CACNA2D4: variants seen among roughly 807,000 people sequenced by gnomAD.
CACNA2D4 encodes voltage-dependent calcium channel subunit alpha-2/delta-4.
A neutral mutation model predicts 163.8 loss-of-function variants in CACNA2D4; 157 were observed. That is an observed-to-expected ratio of 0.96 (90% CI 0.84 to 1.09). The LOEUF (loss-of-function observed/expected upper bound fraction) is 1.09, where lower values mean the gene tolerates loss of function less well. Among genes scored for constraint, CACNA2D4 ranks in the 50% least tolerant of loss-of-function variants. CACNA2D4 has a pLI of 0.00. For missense variants in CACNA2D4, 1,410 were observed against 1,479.9 expected (o/e 0.95, Z 0.78); for synonymous variants, 598 against 586.9 (o/e 1.02, Z -0.27).
chr12:1,828,283 C>T lies in CACNA2D4; in HGVS notation c.2551+12456G>A, dbSNP rs995839050. On this transcript the variant is annotated intron_variant, in intron 26 of 37. Transcript: ENST00000382722. The surrounding 1 kb of genome is among the most constrained non-coding windows in gnomAD (Gnocchi z 4.2). ...GGGGTGCCGAGGTGACTGTAGGTAGCGCCATATGGGACCTTAGCCACACTC... is the reference window on the plus strand; with the variant it reads ...GGGGTGCCGAGGTGACTGTAGGTAGTGCCATATGGGACCTTAGCCACACTC... The T allele has an allele frequency of 5.7e-5, 77 of 1,358,476 alleles. No individual in the cohort carries two copies. The highest frequency in any genetic ancestry group is 1.8e-4 in the East Asian group (7 of 37,892). The allele number at this position is 1,358,476 out of a possible 1,614,324, so 84.2% of individuals were successfully genotyped here.
chr12:1,857,077 A>G (rs1865416883), intron 20 of CACNA2D4, among the ~76,000 whole-genome samples: 1 of 152,188 alleles, frequency 6.6e-6, no homozygotes, highest in Non-Finnish European at 1.5e-5. Flanking sequence ...GCACCCTGGG[A>G]ATATCTGGGC....
chr12:1,918,232 G>T lies in CACNA2D4; in HGVS notation c.227+15C>A. ...GTGACCGGGTTTTTGGGGTGGGGTT[G>T]AACGTGATGCTTACGTTTCCAGAGG... is the stretch of plus-strand genomic sequence containing the variant. On this transcript the variant is annotated intron_variant, in intron 1 of 37. Transcript: ENST00000382722. 6.3e-7 allele frequency: 1 copy of T among 1,581,250 alleles called. No individual in the cohort carries two copies. The highest frequency in any genetic ancestry group is 1.1e-5 in the South Asian group (1 of 87,948).
Position 1,833,389 on chromosome 12 carries a change from G to C in CACNA2D4, c.2551+7350C>G, listed in dbSNP as rs1192772260. ...CTAGGGGAGGTCTAGACAGATTATT[G>C]TCCTCAACCACCTTCTCTCTCACCC... On this transcript the variant is annotated intron_variant, in intron 26 of 37. Transcript: ENST00000382722. The surrounding 1 kb of genome is among the most constrained non-coding windows in gnomAD (Gnocchi z 4.2). Among the ~76,000 whole-genome samples the C allele has an allele frequency of 6.6e-6, 1 of 152,110 alleles. No homozygotes were observed.
intron 20 of CACNA2D4, among the ~76,000 whole-genome samples, chr12:1,857,222 T>A (rs1865419712): frequency 6.6e-6 from 1 of 152,166 alleles, no homozygotes. Flanking sequence ...AGCACACAGC[T>A]AGTGCCTGAC....
At chr12:1,818,128 C>T (rs1473337900) in intron 26 of CACNA2D4, among the ~76,000 whole-genome samples, 9 of 147,034 alleles carry the variant, frequency 6.1e-5, no homozygotes, top group African/African-American at 2.0e-4. Flanking sequence ...CGTCTCTTCC[C>T]GGCCGCGACC....
intron 18 of CACNA2D4, among the ~76,000 whole-genome samples, chr12:1,863,050 C>G (rs1187245095): frequency 6.6e-6 from 1 of 152,138 alleles, no homozygotes; most frequent in African/African-American, 2.4e-5. Flanking sequence ...CTTGTAAAAG[C>G]TTTACAGTTT....
At chr12:1,837,700 G>A (rs565554059) in intron 26 of CACNA2D4, among the ~76,000 whole-genome samples, 7 of 152,258 alleles carry the variant, frequency 4.6e-5, no homozygotes, top group Non-Finnish European at 1.0e-4. Flanking sequence ...GGCAGAGCTG[G>A]GGTGTCCGCC....
chr12:1,915,886 T>C (rs979931569), intron 1 of CACNA2D4, among the ~76,000 whole-genome samples: 1 of 152,254 alleles, frequency 6.6e-6, no homozygotes, highest in African/African-American at 2.4e-5. Flanking sequence ...GGTCCTACCA[T>C]GTGGCAGCCT....
intron 6 of CACNA2D4, among the ~76,000 whole-genome samples, chr12:1,889,491 T>A (rs1223815785): frequency 6.6e-6 from 1 of 152,164 alleles, no homozygotes; most frequent in African/African-American, 2.4e-5. Flanking sequence ...TATTATTTAA[T>A]TTTAATTTTT....
chr12:1,839,458 C>T (rs990382326), intron 26 of CACNA2D4, among the ~76,000 whole-genome samples: 11 of 152,240 alleles, frequency 7.2e-5, no homozygotes, highest in African/African-American at 2.4e-4. Context: ...CACAGTTGCT[C>T]TCATCATGTA....
intron 18 of CACNA2D4, among the ~76,000 whole-genome samples, chr12:1,863,608 G>A (rs1865571755): frequency 1.3e-5 from 2 of 152,118 alleles, no homozygotes. Context: ...GCAATGTTTT[G>A]TAGTTTTCAG....
intron 26 of CACNA2D4, among the ~76,000 whole-genome samples, chr12:1,814,834 C>A (rs1863824902): frequency 6.6e-6 from 1 of 152,170 alleles, no homozygotes; most frequent in Non-Finnish European, 1.5e-5. Context: ...TTCTGAAGAT[C>A]AAATCACACC....
rs1274351595 is a variant in CACNA2D4, at chr12:1,799,105, G to T, written c.2995+570C>A. ...TGAGCAGAGCCCGCTGAGGCAAGAT[G>T]GCCTCCTGCAGTCATGGAGGGCCCA... is the stretch of plus-strand genomic sequence containing the variant. On this transcript the variant is annotated intron_variant, in intron 34 of 37. Coordinates refer to ENST00000382722, the MANE Select transcript of CACNA2D4 (RefSeq NM_172364.5). The surrounding 1 kb of genome is among the most constrained non-coding windows in gnomAD (Gnocchi z 4.7). Among the ~76,000 whole-genome samples, 1 of 152,206 alleles carries T rather than the reference G, an allele frequency of 6.6e-6. No homozygotes were observed. The highest frequency in any genetic ancestry group is 6.5e-5 in the Admixed American group (1 of 15,286).
intron 30 of CACNA2D4, 93 bp from the exon 31 acceptor site, chr12:1,801,211 C>T (rs1019679028): frequency 2.7e-5 from 28 of 1,042,764 alleles, no homozygotes; most frequent in African/African-American, 1.7e-4. Flanking sequence ...ATCCGTTTAC[C>T]GCAATTCCCA....
intron 16 of CACNA2D4, among the ~76,000 whole-genome samples, chr12:1,876,551 A>C (rs79644384): frequency 1.3e-3 from 193 of 152,358 alleles, no homozygotes; most frequent in Non-Finnish European, 2.0e-3. Flanking sequence ...TGAGGCCCCC[A>C]GCAGATGCCT....
Position 1,834,801 on chromosome 12 carries a change from G to A in CACNA2D4, c.2551+5938C>T, listed in dbSNP as rs1565699840. 7 of 1,475,254 alleles carry A rather than the reference G, an allele frequency of 4.7e-6. No homozygotes were observed. Among genetic ancestry groups the A allele is most frequent in the South Asian group, 2.7e-5 (2 of 73,110 alleles). 91.4% of individuals were successfully genotyped at this position (1,475,254 alleles called of 1,614,324 possible). A position where few individuals can be genotyped will look rare whatever the true frequency, so the allele number is the denominator to read the frequency against. ...TCAGCCACAGCTCCCACCTTGACCCGGCGCTGGCCACTGCCTCCCCGAGTC... is the reference window on the plus strand; with the variant it reads ...TCAGCCACAGCTCCCACCTTGACCCAGCGCTGGCCACTGCCTCCCCGAGTC... On this transcript the variant is annotated intron_variant, in intron 26 of 37. Coordinates refer to ENST00000382722, the MANE Select transcript of CACNA2D4 (RefSeq NM_172364.5). The surrounding 1 kb of genome is among the most constrained non-coding windows in gnomAD (Gnocchi z 7.6).
At position 1,838,021 on chromosome 12, in the gene CACNA2D4, G is replaced by C. The variant is rs1864920684; in HGVS notation, c.2551+2718C>G. Among the ~76,000 whole-genome samples, 3 of 152,220 alleles carry C rather than the reference G, an allele frequency of 2.0e-5. No individual in the cohort carries two copies. In the South Asian group the frequency reaches 6.2e-4, roughly 32 times the overall value. On this transcript the variant is annotated intron_variant, in intron 26 of 37. Transcript: ENST00000382722. Reference sequence around the variant, plus strand: ...GTGTACATTACAAGTCATGCTGGAAGAATGCCCGTCTGCTGGACAATCACT... The same window carrying C: ...GTGTACATTACAAGTCATGCTGGAACAATGCCCGTCTGCTGGACAATCACT...
In CACNA2D4 at chr12:1,878,872, G is replaced by T. The variant is rs1051740211; in HGVS notation, c.1644+84C>A. 3.8e-6 allele frequency: 5 copies of T among 1,319,584 alleles called. No individual in the cohort carries two copies. The African/African-American group carries it at 4.4e-5, about 12-fold the overall frequency. 81.7% of individuals were successfully genotyped at this position (1,319,584 alleles called of 1,614,324 possible). ...CCCACCCCAGCTCTGGGCTTGGCTT[G>T]CCTGGAGAGAGGCTCCCATCACGGG... is the stretch of plus-strand genomic sequence containing the variant. On this transcript the variant is annotated intron_variant, in intron 15 of 37. Coordinates refer to ENST00000382722, the MANE Select transcript of CACNA2D4 (RefSeq NM_172364.5). This position sits in a 1 kb window ranked among gnomAD's most constrained non-coding sequence, Gnocchi z 4.6.
chr12:1,849,193 G>C (rs1488459684), intron 23 of CACNA2D4, among the ~76,000 whole-genome samples: 1 of 152,178 alleles, frequency 6.6e-6, no homozygotes, highest in East Asian at 1.9e-4. Flanking sequence ...TCAGGGGAGA[G>C]AGCTAGGATA....
Sources: allele counts gnomAD v4.1 joint callset (sites outside exome capture counted in the v4.1 genomes callset), GRCh38; gene constraint gnomAD v4.1.1; non-coding constraint Gnocchi (gnomAD v3.1); transcripts MANE v1.5; gene names NCBI Gene and HGNC (gene_info 2026-07-23, HGNC 2026-07-21).